The following FBXO34 variants were observed in gnomAD, a reference collection of about 807,000 sequenced individuals.
The protein encoded by FBXO34 is F-box protein 34.
FBXO34 carries 12 observed loss-of-function variants against 24.5 expected under a neutral mutation model. The observed-to-expected ratio is 0.49, with a 90% CI of 0.31 to 0.79. The LOEUF (loss-of-function observed/expected upper bound fraction) is 0.79, where lower values mean the gene tolerates loss of function less well. FBXO34 is among the 30% of genes least tolerant of loss of function. FBXO34 has a pLI of 0.04. For missense variants in FBXO34, 823 were observed against 857.7 expected (o/e 0.96, Z 0.51); for synonymous variants, 320 against 311.9 (o/e 1.03, Z -0.27).
chr14:55,378,147 T>G, the FBXO34 span: 1 of 1,283,398 alleles, frequency 7.8e-7, no homozygotes, highest in African/African-American at 1.5e-5. Context: ...CCATTTACAG[T>G]ACAATTAGGT....
intron 1 of FBXO34, among the ~76,000 whole-genome samples, chr14:55,276,848 T>A (rs1881362486): frequency 6.6e-6 from 1 of 152,168 alleles, no homozygotes; most frequent in South Asian, 2.1e-4. Context: ...TTAATTGCAT[T>A]CTTGGATGTG....
downstream of FBXO34, among the ~76,000 whole-genome samples, chr14:55,364,123 T>C (rs1884630361): frequency 6.6e-6 from 1 of 151,802 alleles, no homozygotes; most frequent in Admixed American, 6.6e-5. Context: ...GCTAATTTTG[T>C]ATTTTAGTAG....
intron 1 of FBXO34, among the ~76,000 whole-genome samples, chr14:55,286,858 G>C (rs1427701398): frequency 2.0e-5 from 3 of 150,494 alleles, no homozygotes; most frequent in African/African-American, 7.3e-5. Context: ...GAGATATCTT[G>C]GAGATGGGAC....
chr14:55,440,487 G>T, the FBXO34 span: 2 of 1,612,658 alleles, frequency 1.2e-6, no homozygotes, highest in East Asian at 2.2e-5. Context: ...GGGCGGGTAA[G>T]AGGGTAAGCG....
At chr14:55,356,994 T>G (rs146763149), downstream of FBXO34, among the ~76,000 whole-genome samples, 25 of 152,268 alleles carry the variant, frequency 1.6e-4, 1 homozygote, top group South Asian at 3.3e-3. Flanking sequence ...CCGTTTTTCC[T>G]CAAAAAAGCT....
intron 1 of FBXO34, among the ~76,000 whole-genome samples, chr14:55,320,209 G>A (rs1283072047): frequency 6.6e-6 from 1 of 152,186 alleles, no homozygotes; most frequent in African/African-American, 2.4e-5. Context: ...CCAGCAAGGA[G>A]GGAACTCATT....
intron 1 of FBXO34, among the ~76,000 whole-genome samples, chr14:55,274,643 T>C (rs1284980514): frequency 6.6e-6 from 1 of 152,226 alleles, no homozygotes; most frequent in African/African-American, 2.4e-5. Flanking sequence ...CCTCAGGATA[T>C]GTTTATTGGA....
the FBXO34 span, among the ~76,000 whole-genome samples, chr14:55,377,561 C>T: frequency 6.6e-6 from 1 of 151,998 alleles, no homozygotes; most frequent in Non-Finnish European, 1.5e-5. Context: ...AGGCACTACT[C>T]CAGGAACATG....
intron 1 of FBXO34, among the ~76,000 whole-genome samples, chr14:55,297,627 A>G (rs994982236): frequency 2.0e-5 from 3 of 152,238 alleles, no homozygotes; most frequent in Non-Finnish European, 4.4e-5. Flanking sequence ...AGGTAATTTT[A>G]GATTATTTTT....
At chr14:55,346,672 G>C (rs1884169817) in intron 1 of FBXO34, among the ~76,000 whole-genome samples, 1 of 152,146 alleles carries the variant, frequency 6.6e-6, no homozygotes, top group Non-Finnish European at 1.5e-5. Flanking sequence ...AGAGAGCTGG[G>C]AAGTCTATGT....
At position 55,351,901 on chromosome 14, in the gene FBXO34, A is replaced by G; in HGVS notation, c.1511A>G (p.Glu504Gly). The G allele has an allele frequency of 6.2e-7, 1 of 1,614,194 alleles. No homozygotes were observed. The stretch of plus-strand genomic sequence containing the variant: ...CAGTTGAATGAAAGCACAACAAAAG[A>G]GTCTTCAGAGGCCAGCCAGCTTGAA... ...YSQLNESTTK[E>G]SSEASQLEDA... The change falls in exon 2 of 2, where the codon GAG becomes GGG. Residue 504 changes from glutamate (E) to glycine (G), a missense_variant. Physicochemically the swap from Glu to Gly is moderately conservative, Grantham distance 98. Coordinates refer to ENST00000313833, the MANE Select transcript of FBXO34 (RefSeq NM_017943.4).
chr14:55,279,771 AT>A (rs1881471427), intron 1 of FBXO34, among the ~76,000 whole-genome samples: 1 of 152,216 alleles, frequency 6.6e-6, no homozygotes, highest in Non-Finnish European at 1.5e-5. Flanking sequence ...GCTGGGGGTC[AT>A]TCCCTCCTAA....
downstream of FBXO34, among the ~76,000 whole-genome samples, chr14:55,372,590 A>ACTCCTTCCCTTCCTCCTTCCCTCC (rs1884843857): frequency 8.8e-6 from 1 of 114,092 alleles, no homozygotes; most frequent in South Asian, 2.7e-4. Context: ...TTTCTTCCTC[A>ACTCCTTCCCTTCCTCCTTCCCTCC]CTCCTTCCCT....
downstream of FBXO34, among the ~76,000 whole-genome samples, chr14:55,371,300 T>A (rs760227557): frequency 2.6e-5 from 4 of 152,210 alleles, no homozygotes; most frequent in Non-Finnish European, 5.9e-5. Flanking sequence ...TAGCACTGGC[T>A]TCCAACGCAC....
chr14:55,293,945 G>A (rs888483241), intron 1 of FBXO34, among the ~76,000 whole-genome samples: 3 of 151,988 alleles, frequency 2.0e-5, no homozygotes, highest in Admixed American at 6.6e-5. Context: ...TATTGGTGGT[G>A]GTGTTAATCG....
rs79227151 is a variant in FBXO34, at chr14:55,353,277, T to G, written c.*751T>G. On this transcript the variant is annotated 3_prime_UTR_variant, in exon 2 of 2. Transcript: ENST00000313833. ...ATAGTGTTGCGGCTATAATTTTGTGTTTTTTTTTTTTAATTGTCTAGTCTT... is the reference window on the plus strand; with the variant it reads ...ATAGTGTTGCGGCTATAATTTTGTGGTTTTTTTTTTTAATTGTCTAGTCTT... 4.6e-5 allele frequency: 2 copies of G among 43,252 alleles called. No homozygotes were observed. The highest frequency in any genetic ancestry group is 1.1e-4 in the Non-Finnish European group (2 of 18,268). The allele number at this position is 43,252 out of a possible 1,614,324, so 2.7% of individuals were successfully genotyped here.
chr14:55,323,212 AAAAAAAATAT>A (rs1883213794), intron 1 of FBXO34, among the ~76,000 whole-genome samples: 1 of 39,038 alleles, frequency 2.6e-5, no homozygotes, highest in Non-Finnish European at 3.6e-5. Flanking sequence ...AAAAAAAAAA[AAAAAAAATAT>A]ATATTTTTTT....
downstream of FBXO34, chr14:55,355,138 T>C (rs996233434): frequency 1.3e-5 from 2 of 152,340 alleles, no homozygotes; most frequent in African/African-American, 2.4e-5. Context: ...GCTGCTCCTA[T>C]TCCTGGAGTG....
the FBXO34 span, among the ~76,000 whole-genome samples, chr14:55,433,103 C>T: frequency 6.6e-6 from 1 of 151,982 alleles, no homozygotes; most frequent in African/African-American, 2.4e-5. Context: ...ATAGGGGAAA[C>T]TGTAAAATGG....
Sources: gnomAD v4.1 joint callset for allele counts (sites outside exome capture counted in the v4.1 genomes callset) on GRCh38, gnomAD v4.1.1 for gene constraint, MANE v1.5 for transcripts, NCBI Gene and HGNC (gene_info 2026-07-23, HGNC 2026-07-21) for gene names.